The following CACNG6 variants were observed in gnomAD, a reference collection of about 807,000 sequenced individuals.
The protein encoded by CACNG6 is voltage-dependent calcium channel gamma-6 subunit.
CACNG6 carries 21 observed loss-of-function variants against 23.9 expected under a neutral mutation model. That is an observed-to-expected ratio of 0.88 (90% confidence interval 0.62 to 1.26). The LOEUF (loss-of-function observed/expected upper bound fraction) is 1.26, where lower values mean the gene tolerates loss of function less well. CACNG6 is among the 50% of genes most tolerant of loss of function. CACNG6 has a pLI of 0.00. For synonymous variants in CACNG6, 182 were observed against 168.9 expected, an observed-to-expected ratio of 1.08 and a Z score of -0.60; for missense variants, 340 against 352.9, an observed-to-expected ratio of 0.96 and a Z score of 0.29.
Position 53,993,135 on chromosome 19 carries a change from G to T in CACNG6, c.258G>T (p.Ala86=), listed in dbSNP as rs1427594775. The change falls in exon 1 of 4, where the codon GCG becomes GCT. Residue 86 remains alanine, a synonymous_variant. Transcript: ENST00000252729. ...CGGCCCACCTGGGGCTGTGGAAGGC[G>T]TGCACCAAGCGGCTGTGGCAGGCGG... ...CEAAHLGLWK[A]CTKRLWQADV... The T allele has an allele frequency of 6.5e-7, 1 of 1,548,248 alleles. No homozygotes were observed.
intron 3 of CACNG6, among the ~76,000 whole-genome samples, chr19:54,002,013 G>A (rs1048827043): frequency 6.6e-5 from 10 of 151,666 alleles, no homozygotes; most frequent in African/African-American, 2.4e-4. Context: ...TTATCCTTCC[G>A]TTGATTGATC....
At position 54,011,992 on chromosome 19, in the gene CACNG6, G is replaced by C. The variant is rs1431426229; in HGVS notation, c.586G>C (p.Val196Leu). 6.3e-7 allele frequency: 1 copy of C among 1,592,772 alleles called. No individual in the cohort carries two copies. The highest frequency in any genetic ancestry group is 8.5e-7 in the Non-Finnish European group (1 of 1,170,446). ...GAGCCTGGAGGTGTTCCGGCATTCC[G>C]TGAGGGCCCTGCTGCAGAGAGTCAG... ...LVSLEVFRHS[V>L]RALLQRVSPE... Residue 196 changes from valine (V) to leucine (L), a missense_variant, in exon 4 of 4, where the codon GTG (valine) becomes CTG (leucine). Transcript: ENST00000252729.
intron 3 of CACNG6, among the ~76,000 whole-genome samples, chr19:54,011,203 A>ATATATATAT (rs1236174156): frequency 3.4e-4 from 34 of 100,626 alleles, no homozygotes; most frequent in Non-Finnish European, 4.5e-4. Context: ...AAAAAAAAAA[A>ATATATATAT]AAATATATAT....
At chr19:54,007,577 T>C (rs2069661503) in intron 3 of CACNG6, among the ~76,000 whole-genome samples, 1 of 152,198 alleles carries the variant, frequency 6.6e-6, no homozygotes, top group African/African-American at 2.4e-5. Flanking sequence ...AAGAGCTCAA[T>C]GAACATCTGT....
intron 3 of CACNG6, among the ~76,000 whole-genome samples, chr19:54,009,160 C>T (rs772080591): frequency 6.6e-6 from 1 of 151,974 alleles, no homozygotes; most frequent in Non-Finnish European, 1.5e-5. Flanking sequence ...CGGTGGCTCA[C>T]GTCTGTAATC....
chr19:54,006,517 CTTTTCTTTTTTTTT>C (rs1373046505), intron 3 of CACNG6, among the ~76,000 whole-genome samples: 6 of 107,326 alleles, frequency 5.6e-5, no homozygotes, highest in African/African-American at 7.5e-5. Context: ...TTCCTTCTTT[CTTTTCTTTTTTTTT>C]TTTTTTTTTT....
intron 3 of CACNG6, among the ~76,000 whole-genome samples, chr19:54,007,206 G>A (rs569089862): frequency 1.2e-4 from 19 of 152,118 alleles, no homozygotes; most frequent in Admixed American, 5.9e-4. Flanking sequence ...GCACCACCAC[G>A]CCTGGCTAAC....
At position 53,999,608 on chromosome 19, in the gene CACNG6, G is replaced by C. The variant is rs761403786; in HGVS notation, c.407-26G>C. The C allele has an allele frequency of 1.7e-5, 27 of 1,610,088 alleles. No individual in the cohort carries two copies. The Admixed American group carries it at 4.2e-4, about 25-fold the overall frequency. On this transcript the variant is annotated intron_variant, in intron 2 of 3. Coordinates refer to ENST00000252729, the MANE Select transcript of CACNG6 (RefSeq NM_145814.2). ...TCATTCCCTACATCCCATGTTCTCT[G>C]CTTCTTTCCTCTCTCCTGCTGGCAG... is the stretch of plus-strand genomic sequence containing the variant.
At chr19:53,991,335 C>T (rs1316237169), upstream of CACNG6, among the ~76,000 whole-genome samples, 1 of 151,964 alleles carries the variant, frequency 6.6e-6, no homozygotes, top group African/African-American at 2.4e-5. Flanking sequence ...CCCTGGTAAC[C>T]CCAGTCAGAC....
rs923097595 is a variant in CACNG6, at chr19:53,992,734, C to G, written c.-144C>G. 12 of 460,006 alleles carry G rather than the reference C, an allele frequency of 2.6e-5. No homozygotes were observed. The highest frequency in any genetic ancestry group is 2.4e-4 in the African/African-American group (12 of 49,896). 28.5% of individuals were successfully genotyped at this position (460,006 alleles called of 1,614,324 possible). A position where few individuals can be genotyped will look rare whatever the true frequency, so the allele number is the denominator to read the frequency against. Reference sequence around the variant, plus strand: ...CGACTTTCGCATTTGAGATTCCAGACAGGACTCGGCTCTCCCTCTTTCATA... The same window carrying G: ...CGACTTTCGCATTTGAGATTCCAGAGAGGACTCGGCTCTCCCTCTTTCATA... On this transcript the variant is annotated 5_prime_UTR_variant, in exon 1 of 4. Coordinates refer to ENST00000252729, the MANE Select transcript of CACNG6 (RefSeq NM_145814.2). The surrounding 1 kb of genome is among the most constrained non-coding windows in gnomAD (Gnocchi z 4.1).
chr19:53,991,338 A>C (rs371105573), upstream of CACNG6, among the ~76,000 whole-genome samples: 207 of 151,662 alleles, frequency 1.4e-3, 1 homozygote, highest in Middle Eastern at 0.01. Context: ...TGGTAACCCC[A>C]GTCAGACTTG....
At position 54,012,129 on chromosome 19, in the gene CACNG6, C is replaced by T. The variant is rs758852047; in HGVS notation, c.723C>T (p.Leu241=). 5 of 1,549,692 alleles carry T rather than the reference C, an allele frequency of 3.2e-6. No individual in the cohort carries two copies. Among genetic ancestry groups the T allele is most frequent in the East Asian group, 4.8e-5 (2 of 41,330 alleles). ...TGGGGGCCGGCTGCTTTCTGCTGCTCACACTGCCTTCCTGGCCCTGGGGGT... is the reference window on the plus strand; with the variant it reads ...TGGGGGCCGGCTGCTTTCTGCTGCTTACACTGCCTTCCTGGCCCTGGGGGT... ...LLLGAGCFLL[L]TLPSWPWGSL... Residue 241 remains leucine (L), a synonymous_variant, in exon 4 of 4, where the codon CTC becomes CTT. Transcript: ENST00000252729.
chr19:54,010,265 C>T (rs1045669278), intron 3 of CACNG6, among the ~76,000 whole-genome samples: 14 of 152,106 alleles, frequency 9.2e-5, no homozygotes, highest in Admixed American at 1.3e-4. Context: ...CCACCCGCCT[C>T]GGCCTCCCAA....
At chr19:54,011,205 A>AAAAAATATATAT (rs58054808) in intron 3 of CACNG6, among the ~76,000 whole-genome samples, 2 of 102,546 alleles carry the variant, frequency 2.0e-5, no homozygotes, top group Admixed American at 1.2e-4. Context: ...AAAAAAAAAA[A>AAAAAATATATAT]ATATATATAT....
intron 3 of CACNG6, 21 bp from the exon 4 acceptor site, chr19:54,011,930 G>A: frequency 2.1e-6 from 3 of 1,445,162 alleles, no homozygotes; most frequent in Non-Finnish European, 2.7e-6. Flanking sequence ...GTCTGACTGC[G>A]AGCTGTCCTC....
intron 3 of CACNG6, among the ~76,000 whole-genome samples, chr19:54,011,205 A>ATATAT (rs1555819786): frequency 4.9e-5 from 5 of 102,500 alleles, no homozygotes; most frequent in East Asian, 2.8e-4. Context: ...AAAAAAAAAA[A>ATATAT]ATATATATAT....
At position 53,992,830 on chromosome 19, in the gene CACNG6, C is replaced by T. The variant is rs919032177; in HGVS notation, c.-48C>T. 33 of 1,321,046 alleles carry T rather than the reference C, an allele frequency of 2.5e-5. No homozygotes were observed. The highest frequency in any genetic ancestry group is 3.1e-5 in the Non-Finnish European group (32 of 1,017,248). The allele number at this position is 1,321,046 out of a possible 1,614,324, so 81.8% of individuals were successfully genotyped here. On this transcript the variant is annotated 5_prime_UTR_variant, in exon 1 of 4. Transcript: ENST00000252729. The surrounding 1 kb of genome is among the most constrained non-coding windows in gnomAD (Gnocchi z 4.1). ...CTCCTCGCTCCCGCCCCTCGAGGCC[C>T]TTCGCCGGCTCTGCCTCCTCCCCCT...
chr19:54,011,425 C>T (rs1437932477), intron 3 of CACNG6, among the ~76,000 whole-genome samples: 6 of 85,282 alleles, frequency 7.0e-5, no homozygotes, highest in African/African-American at 3.5e-4. Context: ...AGCAAGACTC[C>T]GTCTCAAAAA....
chr19:53,998,506 G>T (rs1274234540), intron 2 of CACNG6, among the ~76,000 whole-genome samples, 193 bp downstream of exon 2: 3 of 131,680 alleles, frequency 2.3e-5, no homozygotes, highest in Non-Finnish European at 4.7e-5. Context: ...AGAATCTAGA[G>T]AACTCTTTTT....
Sources: gnomAD v4.1 joint callset for allele counts (sites outside exome capture counted in the v4.1 genomes callset) on GRCh38, gnomAD v4.1.1 for gene constraint, Gnocchi (gnomAD v3.1) non-coding constraint, MANE v1.5 for transcripts, NCBI Gene and HGNC (gene_info 2026-07-23, HGNC 2026-07-21) for gene names.